The following SLC25A28 variants were observed in gnomAD, a reference collection of about 807,000 sequenced individuals.
The protein encoded by SLC25A28 is solute carrier family 25 member 28, also known as mitoferrin-2.
Under a neutral mutation model 31.9 loss-of-function variants are expected in SLC25A28, and 10 were observed. That is an observed-to-expected ratio of 0.31 (90% confidence interval 0.19 to 0.53). The LOEUF (loss-of-function observed/expected upper bound fraction) is 0.53, where lower values mean the gene tolerates loss of function less well. SLC25A28 is among the 20% of genes least tolerant of loss of function. SLC25A28 has a pLI of 0.95. For missense variants in SLC25A28, 256 were observed against 490.3 expected (o/e 0.52, Z 4.51); for synonymous variants, 208 against 203.6 (o/e 1.02, Z -0.19).
the SLC25A28 span, among the ~76,000 whole-genome samples, chr10:99,643,353 T>C: frequency 6.6e-6 from 1 of 152,256 alleles, no homozygotes; most frequent in Non-Finnish European, 1.5e-5. Flanking sequence ...TTTATTTCCT[T>C]AGAGGTGTTT....
the SLC25A28 span, among the ~76,000 whole-genome samples, chr10:99,656,595 A>C: frequency 6.6e-6 from 1 of 152,112 alleles, no homozygotes; most frequent in Non-Finnish European, 1.5e-5. Flanking sequence ...ATTCCTTTAG[A>C]GGGTAGGGTG....
the SLC25A28 span, among the ~76,000 whole-genome samples, chr10:99,639,075 G>GATATATATATATTTCTCAACATATATAA: frequency 6.6e-6 from 1 of 151,336 alleles, no homozygotes; most frequent in Middle Eastern, 3.5e-3. Flanking sequence ...AAGAAACTGT[G>GATATATATATATTTCTCAACATATATAA]ATATATATAT....
intron 1 of SLC25A28, chr10:99,616,315 A>C (rs1290762365): frequency 3.8e-6 from 3 of 795,258 alleles, no homozygotes; most frequent in Non-Finnish European, 4.6e-6. Context: ...TAAGCTTCAA[A>C]ATTGTCATCT....
chr10:99,658,897 C>A, the SLC25A28 span, among the ~76,000 whole-genome samples: 2,114 of 152,302 alleles, frequency 0.014, 55 homozygotes, highest in African/African-American at 0.048. Context: ...TTCATGATGA[C>A]TGGCATAAGC....
At chr10:99,616,580 A>AT (rs2034661372) in intron 1 of SLC25A28, 2 of 985,146 alleles carry the variant, frequency 2.0e-6, no homozygotes, top group Non-Finnish European at 2.4e-6. Flanking sequence ...TTAATTTTGT[A>AT]TTTTTTGTTT....
At chr10:99,624,327 C>T (rs1270575699), upstream of SLC25A28, among the ~76,000 whole-genome samples, 2 of 151,730 alleles carry the variant, frequency 1.3e-5, no homozygotes, top group African/African-American at 4.8e-5. Flanking sequence ...AACTCCTAGG[C>T]TCAAGCAATC....
the SLC25A28 span, among the ~76,000 whole-genome samples, chr10:99,653,610 G>A: frequency 5.9e-5 from 9 of 152,258 alleles, no homozygotes; most frequent in African/African-American, 1.9e-4. Context: ...CTCATGGGCC[G>A]TTTTCTTCCG....
chr10:99,612,061 G>A (rs1328461258), intron 3 of SLC25A28, among the ~76,000 whole-genome samples: 1 of 152,228 alleles, frequency 6.6e-6, no homozygotes, highest in African/African-American at 2.4e-5. Context: ...ATTTTCCTCC[G>A]ACTGAAAAGC....
chr10:99,617,290 G>T, intron 1 of SLC25A28: 3 of 985,440 alleles, frequency 3.0e-6, no homozygotes, highest in Non-Finnish European at 3.6e-6. Flanking sequence ...GGAAATAGCT[G>T]GTTGAATAAC....
chr10:99,655,251 G>A, the SLC25A28 span, among the ~76,000 whole-genome samples: 1 of 152,162 alleles, frequency 6.6e-6, no homozygotes, highest in Non-Finnish European at 1.5e-5. Flanking sequence ...AGGAGGCAGA[G>A]GTGGCAGTGA....
the SLC25A28 span, among the ~76,000 whole-genome samples, chr10:99,637,732 CCTAA>C: frequency 2.6e-5 from 4 of 151,996 alleles, no homozygotes; most frequent in Admixed American, 1.3e-4. Context: ...TAGGAATACA[CCTAA>C]CTAAGGAGGC....
the SLC25A28 span, among the ~76,000 whole-genome samples, chr10:99,644,394 C>CT: frequency 6.6e-6 from 1 of 152,132 alleles, no homozygotes; most frequent in Non-Finnish European, 1.5e-5. Context: ...GCAACCCCTG[C>CT]TTTTTTTCGT....
the SLC25A28 span, among the ~76,000 whole-genome samples, chr10:99,651,213 C>A: frequency 6.6e-6 from 1 of 152,258 alleles, no homozygotes; most frequent in South Asian, 2.1e-4. Context: ...TAAAATATAT[C>A]TACTTACTCT....
the SLC25A28 span, among the ~76,000 whole-genome samples, chr10:99,641,225 C>A: frequency 1.3e-5 from 2 of 152,180 alleles, no homozygotes; most frequent in Non-Finnish European, 2.9e-5. Flanking sequence ...TCTCCAGCAT[C>A]TATTGTTTCC....
chr10:99,613,684 A>C lies in SLC25A28; in HGVS notation c.520+12T>G. On this transcript the variant is annotated intron_variant, in intron 2 of 3. Coordinates refer to ENST00000370495, the MANE Select transcript of SLC25A28 (RefSeq NM_031212.4). The surrounding 1 kb of genome is among the most constrained non-coding windows in gnomAD (Gnocchi z 4.9). The stretch of plus-strand genomic sequence containing the variant: ...GGGAAAGTGGGGGAACCAGCACAGG[A>C]AGGCTCAATACCATTGGCAATATGG... The C allele has an allele frequency of 1.2e-6, 2 of 1,614,232 alleles. No homozygotes were observed. Among genetic ancestry groups the C allele is most frequent in the Non-Finnish European group, 1.7e-6 (2 of 1,180,042 alleles).
the SLC25A28 span, among the ~76,000 whole-genome samples, chr10:99,655,011 G>C: frequency 6.6e-6 from 1 of 152,208 alleles, no homozygotes; most frequent in African/African-American, 2.4e-5. Context: ...CTTATGAGCT[G>C]TTAATCAGAT....
upstream of SLC25A28, chr10:99,620,888 C>T (rs896211807): frequency 5.1e-6 from 5 of 985,350 alleles, no homozygotes; most frequent in Non-Finnish European, 6.0e-6. Context: ...GGGATCGCGT[C>T]GGGGGCGGGG....
rs2034750002 is a variant in SLC25A28 at position 99,620,125 on chromosome 10, T to A, written c.211A>T (p.Thr71Ser). Residue 71 changes from threonine (T) to serine (S), a missense_variant, in exon 1 of 4, where the codon ACT (threonine) becomes TCT (serine). Coordinates refer to ENST00000370495, the MANE Select transcript of SLC25A28 (RefSeq NM_031212.4). ...PDYEALPAGA[T>S]VTTHMVAGAV... ...CCTGCCACCATGTGCGTGGTGACAG[T>A]GGCTCCAGCCGGCAGCGCCTCGTAG... 7.0e-6 allele frequency: 11 copies of A among 1,582,400 alleles called. No individual in the cohort carries two copies. Among genetic ancestry groups the A allele is most frequent in the Non-Finnish European group, 8.5e-6 (10 of 1,172,406 alleles).
rs1375552058 is a variant in SLC25A28 at position 99,620,090 on chromosome 10, T to G, written c.246A>C (p.Ala82=). ...VTTHMVAGAV[A]GILEHCVMYP... ...ACATCACGCAGTGCTCCAGGATCCC[T>G]GCCACGGCGCCTGCCACCATGTGCG... The change falls in exon 1 of 4, where the codon GCA becomes GCC. Residue 82 remains alanine, a synonymous_variant. Coordinates refer to ENST00000370495, the MANE Select transcript of SLC25A28 (RefSeq NM_031212.4). The G allele has an allele frequency of 6.3e-7, 1 of 1,581,548 alleles. No homozygotes were observed. The highest frequency in any genetic ancestry group is 2.4e-5 in the East Asian group (1 of 42,188).
Sources: allele counts gnomAD v4.1 joint callset (sites outside exome capture counted in the v4.1 genomes callset), GRCh38; gene constraint gnomAD v4.1.1; non-coding constraint Gnocchi (gnomAD v3.1); transcripts MANE v1.5; gene names NCBI Gene and HGNC (gene_info 2026-07-23, HGNC 2026-07-21).